The following NTM variants were observed in gnomAD, a reference collection of about 807,000 sequenced individuals.
The protein encoded by NTM is neurotrimin.
NTM carries 13 observed loss-of-function variants against 42.1 expected under a neutral mutation model. That is an observed-to-expected ratio of 0.31 (90% confidence interval 0.20 to 0.49). NTM has a LOEUF of 0.49. Ranked by LOEUF, NTM falls within the 20% of genes least tolerant of loss-of-function variation. The pLI is 0.99. For missense variants in NTM, 373 were observed against 452.8 expected (o/e 0.82, Z 1.60); for synonymous variants, 187 against 179.2 (o/e 1.04, Z -0.35).
chr11:132,036,948 G>A (rs544173035), intron 2 of NTM, among the ~76,000 whole-genome samples: 29 of 152,208 alleles, frequency 1.9e-4, no homozygotes, highest in African/African-American at 5.1e-4. Flanking sequence ...CTGAATGCAC[G>A]TCAGGAGACC....
intron 3 of NTM, among the ~76,000 whole-genome samples, chr11:132,164,787 C>G (rs1231395896): frequency 6.6e-6 from 1 of 152,134 alleles, no homozygotes; most frequent in African/African-American, 2.4e-5. Flanking sequence ...CTGTGAACTC[C>G]CGAGGCCTGT....
chr11:131,903,785 G>C (rs2053485647), intron 1 of NTM, among the ~76,000 whole-genome samples: 1 of 152,160 alleles, frequency 6.6e-6, no homozygotes, highest in Admixed American at 6.5e-5. Context: ...GCTGGTAAGG[G>C]GCAGACTTAG....
At chr11:131,693,930 C>T (rs570298069) in intron 1 of NTM, among the ~76,000 whole-genome samples, 34 of 152,348 alleles carry the variant, frequency 2.2e-4, no homozygotes, top group African/African-American at 7.9e-4. Flanking sequence ...AGACCTGTCT[C>T]TTTCAGGAAG....
chr11:131,613,169 G>A (rs2061603016), intron 1 of NTM, among the ~76,000 whole-genome samples: 1 of 152,076 alleles, frequency 6.6e-6, no homozygotes, highest in Admixed American at 6.6e-5. Context: ...GCATGGGCAG[G>A]GAGCTTTTCC....
At chr11:131,919,074 T>C (rs1306105179) in intron 2 of NTM, among the ~76,000 whole-genome samples, 2 of 151,264 alleles carry the variant, frequency 1.3e-5, no homozygotes, top group Admixed American at 1.3e-4. Context: ...CTGGATGCCA[T>C]AGCACCAGGG....
At chr11:132,235,360 G>A (rs922510491) in intron 4 of NTM, among the ~76,000 whole-genome samples, 6 of 151,994 alleles carry the variant, frequency 3.9e-5, no homozygotes, top group East Asian at 1.9e-4. Flanking sequence ...GTGTGTGAGC[G>A]TGTATGCATG....
At chr11:131,587,436 A>C (rs1364149313) in intron 1 of NTM, among the ~76,000 whole-genome samples, 1 of 133,458 alleles carries the variant, frequency 7.5e-6, no homozygotes, top group Non-Finnish European at 1.6e-5. Flanking sequence ...AGACGGAGCG[A>C]GACTCTGTCC....
chr11:131,453,111 C>A (rs1591709221), intron 1 of NTM, among the ~76,000 whole-genome samples: 1 of 152,326 alleles, frequency 6.6e-6, no homozygotes, highest in East Asian at 1.9e-4. Context: ...CTAAGTCCTC[C>A]CTTCTTGCCC....
At chr11:132,096,807 C>G (rs2061056088) in intron 2 of NTM, among the ~76,000 whole-genome samples, 1 of 152,122 alleles carries the variant, frequency 6.6e-6, no homozygotes, top group South Asian at 2.1e-4. Flanking sequence ...TTTTGGAAAA[C>G]CCAGCTCACT....
chr11:131,552,817 C>A (rs75274437), intron 1 of NTM, among the ~76,000 whole-genome samples: 156 of 142,040 alleles, frequency 1.1e-3, no homozygotes, highest in Middle Eastern at 7.5e-3. Flanking sequence ...GACTCCGTCT[C>A]AAAAAAAAAA....
At chr11:131,965,973 G>A (rs748823599) in intron 2 of NTM, among the ~76,000 whole-genome samples, 85 of 149,242 alleles carry the variant, frequency 5.7e-4, no homozygotes, top group Non-Finnish European at 1.1e-3. Flanking sequence ...GAGGGAAGGG[G>A]GAAGGAAAGG....
chr11:131,616,031 G>A (rs1438603432), intron 1 of NTM, among the ~76,000 whole-genome samples: 5 of 152,232 alleles, frequency 3.3e-5, no homozygotes, highest in Admixed American at 2.0e-4. Flanking sequence ...ACATCCTTGC[G>A]TGGCCCTCAA....
intron 2 of NTM, among the ~76,000 whole-genome samples, chr11:132,102,975 T>C (rs2061809413): frequency 6.6e-6 from 1 of 152,168 alleles, no homozygotes; most frequent in African/African-American, 2.4e-5. Context: ...CAGAGCCAAA[T>C]TGGACTGGAA....
intron 1 of NTM, among the ~76,000 whole-genome samples, chr11:131,495,246 G>T (rs1044797932): frequency 6.6e-6 from 1 of 152,142 alleles, no homozygotes; most frequent in Admixed American, 6.5e-5. Context: ...CCTGCCACTT[G>T]CCATTCAAAG....
chr11:131,919,180 A>G (rs770797217), intron 2 of NTM, among the ~76,000 whole-genome samples: 16 of 151,796 alleles, frequency 1.1e-4, no homozygotes, highest in Non-Finnish European at 1.3e-4. Flanking sequence ...AAGATAATTA[A>G]TGGTAATGGC....
chr11:131,619,153 T>C (rs989630956), intron 1 of NTM, among the ~76,000 whole-genome samples: 16 of 152,132 alleles, frequency 1.1e-4, no homozygotes, highest in African/African-American at 3.6e-4. Context: ...CATGAGAGAA[T>C]GCACAGACAT....
At position 131,440,872 on chromosome 11, in the gene NTM, C is replaced by T. The variant is rs565082692; in HGVS notation, c.82+69984C>T. Among the ~76,000 whole-genome samples, 881 of 123,232 alleles carry T rather than the reference C, an allele frequency of 7.1e-3. 11 individuals are homozygous for T. Among genetic ancestry groups the T allele is most frequent in the African/African-American group, 0.027 (833 of 31,274 alleles). The allele number at this position is 123,232 out of a possible 152,430, so 80.8% of individuals were successfully genotyped here. A position where few individuals can be genotyped will look rare whatever the true frequency, so the allele number is the denominator to read the frequency against. On this transcript the variant is annotated intron_variant, in intron 1 of 8. Transcript: ENST00000683400. ...AAAAAAAAAAAAAAAAAATTCATGC[C>T]CGTGTCTGGGGGTTTGCAGCCTGAA...
intron 4 of NTM, among the ~76,000 whole-genome samples, chr11:132,282,751 C>T (rs780320341): frequency 2.6e-5 from 4 of 151,764 alleles, no homozygotes; most frequent in Non-Finnish European, 4.4e-5. Flanking sequence ...GAATATTTAG[C>T]CTGTTTAAGA....
At chr11:132,137,857 G>A (rs1023209280) in intron 2 of NTM, among the ~76,000 whole-genome samples, 8 of 152,156 alleles carry the variant, frequency 5.3e-5, no homozygotes, top group Non-Finnish European at 1.0e-4. Context: ...CACGCGATCC[G>A]TGCTGGTCGG....
Sources: gnomAD v4.1 joint callset for allele counts (sites outside exome capture counted in the v4.1 genomes callset) on GRCh38, gnomAD v4.1.1 for gene constraint, MANE v1.5 for transcripts, NCBI Gene and HGNC (gene_info 2026-07-23, HGNC 2026-07-21) for gene names.